Variants in FAM83B observed in about 807,000 individuals in gnomAD.
The protein encoded by FAM83B is protein FAM83B.
FAM83B carries 26 observed loss-of-function variants against 38.8 expected under a neutral mutation model. That is an observed-to-expected ratio of 0.67 (90% CI 0.49 to 0.93). The LOEUF is 0.93. Ranked by LOEUF, FAM83B falls within the 40% of genes least tolerant of loss-of-function variation. FAM83B has a pLI of 0.00. For missense variants in FAM83B, 1,237 were observed against 1,197.3 expected (o/e 1.03, Z -0.49); for synonymous variants, 419 against 423.1 (o/e 0.99, Z 0.12).
chr6:54,884,481 C>CAAAAAAA (rs769913282), intron 2 of FAM83B, among the ~76,000 whole-genome samples: 2 of 71,114 alleles, frequency 2.8e-5, no homozygotes, highest in Non-Finnish European at 6.5e-5. Context: ...GACTCTGTCT[C>CAAAAAAA]AAAAAAAAAA....
At chr6:54,927,042 G>T (rs569432545) in intron 3 of FAM83B, among the ~76,000 whole-genome samples, 1 of 152,094 alleles carries the variant, frequency 6.6e-6, no homozygotes, top group South Asian at 2.1e-4. Flanking sequence ...CTTCATGAGG[G>T]TTTTATATTG....
intron 2 of FAM83B, among the ~76,000 whole-genome samples, chr6:54,898,332 G>A (rs564199013): frequency 2.6e-5 from 4 of 152,262 alleles, no homozygotes; most frequent in Admixed American, 2.6e-4. Flanking sequence ...AATTTCCTGG[G>A]AGACTTATCA....
chr6:54,930,542 T>C (rs1365383469), intron 4 of FAM83B, among the ~76,000 whole-genome samples: 2 of 152,096 alleles, frequency 1.3e-5, no homozygotes, highest in African/African-American at 4.8e-5. Flanking sequence ...AATTAAAAAA[T>C]TTATAATTCT....
At chr6:54,905,657 A>G (rs1171196691) in intron 2 of FAM83B, among the ~76,000 whole-genome samples, 17 of 152,210 alleles carry the variant, frequency 1.1e-4, no homozygotes, top group Admixed American at 1.1e-3. Context: ...TTAATTACAC[A>G]GTTGAGAAAA....
rs188395848 is a variant in FAM83B, at chr6:54,885,266, G to A, written c.444+14576G>A. Among the ~76,000 whole-genome samples, 220 of 152,152 alleles carry A rather than the reference G, an allele frequency of 1.4e-3. 1 individual carries two copies. Among genetic ancestry groups the A allele is most frequent in the Middle Eastern group, 3.4e-3 (1 of 294 alleles). ...ATTGAGTCTTCTAATCCAGGAACAA[G>A]GTATATTCCTCTATTAAGTTATGTT... On this transcript the variant is annotated intron_variant, in intron 2 of 4. Transcript: ENST00000306858.
intron 1 of FAM83B, among the ~76,000 whole-genome samples, chr6:54,848,156 A>G (rs1345989079): frequency 1.3e-5 from 2 of 152,138 alleles, no homozygotes; most frequent in East Asian, 1.9e-4. Flanking sequence ...AATGAGAATA[A>G]TGTGAAACAG....
intron 1 of FAM83B, among the ~76,000 whole-genome samples, chr6:54,853,384 G>A (rs1436129751): frequency 2.6e-5 from 4 of 152,316 alleles, no homozygotes; most frequent in East Asian, 1.9e-4. Flanking sequence ...TTCAGAGCTA[G>A]AGAGGGGAAG....
At chr6:54,880,238 G>GTGCT (rs942115819) in intron 2 of FAM83B, among the ~76,000 whole-genome samples, 2 of 152,260 alleles carry the variant, frequency 1.3e-5, no homozygotes, top group Admixed American at 1.3e-4. Flanking sequence ...AAAATCATGT[G>GTGCT]TGCTTATGGG....
At chr6:54,895,934 G>T (rs998120321) in intron 2 of FAM83B, among the ~76,000 whole-genome samples, 1 of 152,010 alleles carries the variant, frequency 6.6e-6, no homozygotes, top group African/African-American at 2.4e-5. Flanking sequence ...CACCCAAGCT[G>T]GAGTGCAGTG....
chr6:54,865,967 CATAATAATA>C (rs3064911), intron 1 of FAM83B, among the ~76,000 whole-genome samples: 18,580 of 147,816 alleles, frequency 0.13, 1,585 homozygotes, highest in African/African-American at 0.24. Flanking sequence ...GTAAAATAGT[CATAATAATA>C]ATAATAATAA....
At chr6:54,911,425 T>A (rs1468020031) in intron 2 of FAM83B, among the ~76,000 whole-genome samples, 1 of 152,094 alleles carries the variant, frequency 6.6e-6, no homozygotes, top group Non-Finnish European at 1.5e-5. Context: ...TAGGAGCCTG[T>A]TTTAGATGCT....
At chr6:54,869,631 C>T (rs1347427533) in intron 1 of FAM83B, among the ~76,000 whole-genome samples, 2 of 152,146 alleles carry the variant, frequency 1.3e-5, no homozygotes, top group African/African-American at 4.8e-5. Context: ...CCGGGTCCAG[C>T]CGAAGCCCAC....
chr6:54,900,590 G>A lies in FAM83B; in HGVS notation c.445-25781G>A, dbSNP rs556544532. On this transcript the variant is annotated intron_variant, in intron 2 of 4. Coordinates refer to ENST00000306858, the MANE Select transcript of FAM83B (RefSeq NM_001010872.3). ...GTTGCCATAGATTCTGTCTTTGCTC[G>A]TAATCAAGTAAGTGTTGTTGACAGG... is the stretch of plus-strand genomic sequence containing the variant. Among the ~76,000 whole-genome samples the A allele has an allele frequency of 2.0e-5, 3 of 152,184 alleles. No individual in the cohort carries two copies. The East Asian group carries it at 5.8e-4, about 29-fold the overall frequency.
intron 2 of FAM83B, among the ~76,000 whole-genome samples, chr6:54,884,018 A>C (rs369383561): frequency 6.6e-6 from 1 of 152,038 alleles, no homozygotes. Flanking sequence ...AAAAATGCAA[A>C]GAAGACCAGG....
chr6:54,848,541 T>A (rs924797648), intron 1 of FAM83B, among the ~76,000 whole-genome samples: 1 of 152,236 alleles, frequency 6.6e-6, no homozygotes, highest in African/African-American at 2.4e-5. Context: ...TGACGCTAAC[T>A]GGCTAAACTT....
intron 4 of FAM83B, among the ~76,000 whole-genome samples, chr6:54,930,367 A>G (rs957568197): frequency 2.0e-5 from 3 of 152,138 alleles, no homozygotes; most frequent in Admixed American, 6.6e-5. Context: ...CCAACCATCT[A>G]TGACATCCCA....
intron 2 of FAM83B, among the ~76,000 whole-genome samples, chr6:54,888,892 TTTTG>T (rs918218894): frequency 2.6e-5 from 4 of 152,010 alleles, no homozygotes; most frequent in African/African-American, 7.2e-5. Flanking sequence ...GCATACATTG[TTTTG>T]TTTGTTTGTT....
intron 1 of FAM83B, among the ~76,000 whole-genome samples, chr6:54,853,941 C>G (rs1771377016): frequency 6.6e-6 from 1 of 152,120 alleles, no homozygotes; most frequent in Non-Finnish European, 1.5e-5. Context: ...GGGAGGCGGT[C>G]AAAATATCAA....
In FAM83B at chr6:54,939,701, C is replaced by T. The variant is rs1169677729; in HGVS notation, c.735-5C>T. On this transcript the variant is annotated splice_region_variant and splice_polypyrimidine_tract_variant and intron_variant, in intron 4 of 4. Transcript: ENST00000306858. ...TGATTAAAATTTTTCCATTTTTTTC[C>T]CCAGTTATATGTGGTCATTTGAGAA... The T allele has an allele frequency of 1.4e-5, 22 of 1,539,942 alleles. No individual in the cohort carries two copies. The highest frequency in any genetic ancestry group is 5.0e-5 in the South Asian group (4 of 79,346).
Sources: allele counts gnomAD v4.1 joint callset (sites outside exome capture counted in the v4.1 genomes callset), GRCh38; gene constraint gnomAD v4.1.1; transcripts MANE v1.5; gene names NCBI Gene and HGNC (gene_info 2026-07-23, HGNC 2026-07-21).